INPP5A: variants seen among roughly 807,000 people sequenced by gnomAD.
The protein encoded by INPP5A is inositol polyphosphate-5-phosphatase A.
Under a neutral mutation model 65.2 loss-of-function variants are expected in INPP5A, and 14 were observed. The observed-to-expected ratio is 0.21, with a 90% CI of 0.14 to 0.34. The LOEUF (loss-of-function observed/expected upper bound fraction) is 0.34, where lower values mean the gene tolerates loss of function less well. Among genes scored for constraint, INPP5A ranks in the 10% least tolerant of loss-of-function variants. The pLI, the probability that INPP5A is intolerant of heterozygous loss-of-function variation, is 1.00. For synonymous variants in INPP5A, 207 were observed against 208.3 expected (o/e 0.99, Z 0.05); for missense variants, 431 against 545.6 (o/e 0.79, Z 2.09).
intron 1 of INPP5A, among the ~76,000 whole-genome samples, chr10:132,576,832 C>T (rs114684543): frequency 0.011 from 1,658 of 152,292 alleles, 33 homozygotes; most frequent in African/African-American, 0.035. Flanking sequence ...AGCCGAGGGT[C>T]GCACCCAGAC....
intron 2 of INPP5A, among the ~76,000 whole-genome samples, chr10:132,632,398 C>T (rs2072287780): frequency 6.6e-6 from 1 of 152,228 alleles, no homozygotes; most frequent in Non-Finnish European, 1.5e-5. Context: ...GTAGCTGTGT[C>T]TGGCTGGTGT....
At chr10:132,665,490 C>T (rs1170184953) in intron 4 of INPP5A, among the ~76,000 whole-genome samples, 1 of 152,238 alleles carries the variant, frequency 6.6e-6, no homozygotes, top group Non-Finnish European at 1.5e-5. Context: ...CACCTGTAAT[C>T]CCAGCACTCT....
intron 8 of INPP5A, among the ~76,000 whole-genome samples, chr10:132,714,766 G>A (rs937055861): frequency 6.6e-6 from 1 of 152,256 alleles, no homozygotes; most frequent in African/African-American, 2.4e-5. Flanking sequence ...GTCTTCAGAA[G>A]CAGCCCCAGG....
intron 4 of INPP5A, among the ~76,000 whole-genome samples, chr10:132,686,762 G>GT (rs1206488152): frequency 2.0e-5 from 3 of 152,146 alleles, no homozygotes; most frequent in Admixed American, 6.5e-5. Flanking sequence ...CATTTATTAT[G>GT]TTTTTTCAGA....
intron 4 of INPP5A, among the ~76,000 whole-genome samples, chr10:132,670,847 T>C (rs576343738): frequency 9.4e-4 from 139 of 148,358 alleles, no homozygotes; most frequent in African/African-American, 2.3e-3. Context: ...TTCTTTCTTT[T>C]TTTTTTTTTT....
intron 5 of INPP5A, among the ~76,000 whole-genome samples, chr10:132,696,274 G>C (rs1349511513): frequency 6.6e-6 from 1 of 152,218 alleles, no homozygotes; most frequent in African/African-American, 2.4e-5. Flanking sequence ...TTCAGCTATA[G>C]ATTCAACACA....
At chr10:132,607,849 G>T in intron 1 of INPP5A, 66 bp from the exon 2 acceptor site, 5 of 1,488,588 alleles carry the variant, frequency 3.4e-6, no homozygotes, top group Middle Eastern at 1.7e-4. Context: ...ACAGGAGCTT[G>T]TCCTGGCTCT....
intron 2 of INPP5A, among the ~76,000 whole-genome samples, chr10:132,610,113 G>T (rs2071923155): frequency 6.6e-6 from 1 of 152,220 alleles, no homozygotes; most frequent in Admixed American, 6.5e-5. Context: ...CGAGGTCCCG[G>T]CAACAGCTCC....
chr10:132,773,796 C>T lies in INPP5A; in HGVS notation c.978-3875C>T, dbSNP rs549375978. Among the ~76,000 whole-genome samples, 315 of 152,346 alleles carry T rather than the reference C, an allele frequency of 2.1e-3. 1 individual carries two copies. Among genetic ancestry groups the T allele is most frequent in the Non-Finnish European group, 3.6e-3 (244 of 68,036 alleles). On this transcript the variant is annotated intron_variant, in intron 12 of 15. Transcript: ENST00000368594. ...GGGGAGCACCCAGGACAGCCTCCTG[C>T]TCTGTTGCCCGGGCTGGAGTGCAGT...
intron 4 of INPP5A, among the ~76,000 whole-genome samples, chr10:132,687,874 C>T (rs1166009082): frequency 6.6e-6 from 1 of 152,256 alleles, no homozygotes; most frequent in Non-Finnish European, 1.5e-5. Flanking sequence ...ACCATGGCGT[C>T]GGTGCACAGG....
At chr10:132,645,242 C>T (rs2072477285) in intron 2 of INPP5A, among the ~76,000 whole-genome samples, 2 of 152,190 alleles carry the variant, frequency 1.3e-5, no homozygotes, top group South Asian at 2.1e-4. Context: ...CACCAGTGGC[C>T]GTGATGCCAG....
chr10:132,707,057 C>T lies in INPP5A; in HGVS notation c.475-1256C>T, dbSNP rs201784775. Among the ~76,000 whole-genome samples, 14 of 152,356 alleles carry T rather than the reference C, an allele frequency of 9.2e-5. No homozygotes were observed. Among genetic ancestry groups the T allele is most frequent in the Admixed American group, 3.9e-4 (6 of 15,308 alleles). On this transcript the variant is annotated intron_variant, in intron 6 of 15. Coordinates refer to ENST00000368594, the MANE Select transcript of INPP5A (RefSeq NM_005539.5). This position sits in a 1 kb window ranked among gnomAD's most constrained non-coding sequence, Gnocchi z 5.5. ...AAAGGGAGAGCCTCTGATCACTGCG[C>T]TCTCCGTGTTAGATAGAGGGAGCAC... is the stretch of plus-strand genomic sequence containing the variant.
At chr10:132,646,795 G>A (rs2072500925) in intron 3 of INPP5A, among the ~76,000 whole-genome samples, 1 of 152,118 alleles carries the variant, frequency 6.6e-6, no homozygotes, top group Non-Finnish European at 1.5e-5. Context: ...CGCTCTGTGG[G>A]CCGACGCCGC....
chr10:132,723,361 C>T (rs980499447), intron 8 of INPP5A, among the ~76,000 whole-genome samples: 18 of 152,348 alleles, frequency 1.2e-4, no homozygotes, highest in East Asian at 9.7e-4. Context: ...GAGTTTGTTC[C>T]GTCAGGGTTC....
At chr10:132,615,680 G>A (rs1590870212) in intron 2 of INPP5A, among the ~76,000 whole-genome samples, 1 of 152,328 alleles carries the variant, frequency 6.6e-6, no homozygotes, top group African/African-American at 2.4e-5. Flanking sequence ...GGTAGGAACT[G>A]GCCCTGCTGG....
chr10:132,589,340 C>T (rs941525858), intron 1 of INPP5A, among the ~76,000 whole-genome samples: 4 of 152,182 alleles, frequency 2.6e-5, no homozygotes, highest in South Asian at 2.1e-4. Context: ...GCTTGCTGTG[C>T]GGGTTCTTGA....
At chr10:132,633,700 C>T (rs1036373785) in intron 2 of INPP5A, among the ~76,000 whole-genome samples, 2 of 152,222 alleles carry the variant, frequency 1.3e-5, no homozygotes, top group Admixed American at 1.3e-4. Context: ...TTCAGAGGCA[C>T]TCACTCGAAG....
chr10:132,713,173 T>C (rs1460621609), intron 8 of INPP5A, among the ~76,000 whole-genome samples: 2 of 151,836 alleles, frequency 1.3e-5, no homozygotes, highest in Non-Finnish European at 1.5e-5. Flanking sequence ...CGGGTGTGTG[T>C]GCATTTGTGG....
chr10:132,560,776 T>A (rs1251027277), intron 1 of INPP5A, among the ~76,000 whole-genome samples: 1 of 152,156 alleles, frequency 6.6e-6, no homozygotes, highest in African/African-American at 2.4e-5. Flanking sequence ...TGGCTAATTT[T>A]AAAAAGTTTT....
Sources: allele counts gnomAD v4.1 joint callset (sites outside exome capture counted in the v4.1 genomes callset), GRCh38; gene constraint gnomAD v4.1.1; non-coding constraint Gnocchi (gnomAD v3.1); transcripts MANE v1.5; gene names NCBI Gene and HGNC (gene_info 2026-07-23, HGNC 2026-07-21).